Variants in LOC128462377 observed in about 807,000 individuals in gnomAD.
chr16:89,397,151 C>A, the LOC128462377 span, among the ~76,000 whole-genome samples: 1 of 152,092 alleles, frequency 6.6e-6, no homozygotes, highest in Non-Finnish European at 1.5e-5. Context: ...GCAGACATAC[C>A]CACAGAGCCA....
the LOC128462377 span, among the ~76,000 whole-genome samples, chr16:89,364,510 T>C: frequency 6.6e-6 from 1 of 152,200 alleles, no homozygotes; most frequent in Non-Finnish European, 1.5e-5. Context: ...GTATTTTTCT[T>C]AACCTATTCG....
At chr16:89,348,022 C>A in the LOC128462377 span, among the ~76,000 whole-genome samples, 1 of 152,066 alleles carries the variant, frequency 6.6e-6, no homozygotes, top group Admixed American at 6.6e-5. Context: ...CAGCCTCTAC[C>A]TCCTGGGCTC....
At chr16:89,351,517 G>C in the LOC128462377 span, among the ~76,000 whole-genome samples, 1 of 152,118 alleles carries the variant, frequency 6.6e-6, no homozygotes, top group African/African-American at 2.4e-5. Flanking sequence ...GGATCCTAGC[G>C]AACTTTTTCA....
chr16:89,323,122 G>A, the LOC128462377 span: 18 of 335,232 alleles, frequency 5.4e-5, no homozygotes, highest in Non-Finnish European at 8.1e-5. Flanking sequence ...GCTGTTGTGC[G>A]CTCCGTGGAA....
chr16:89,322,159 C>G, the LOC128462377 span, among the ~76,000 whole-genome samples: 1 of 152,112 alleles, frequency 6.6e-6, no homozygotes, highest in Non-Finnish European at 1.5e-5. Flanking sequence ...GAGGCTGGCG[C>G]CCCCAACCCC....
At chr16:89,347,907 G>C in the LOC128462377 span, among the ~76,000 whole-genome samples, 1 of 151,764 alleles carries the variant, frequency 6.6e-6, no homozygotes, top group Non-Finnish European at 1.5e-5. Flanking sequence ...TTACTTTGCA[G>C]AGCACTTTCC....
At chr16:89,389,692 C>T in the LOC128462377 span, among the ~76,000 whole-genome samples, 1 of 152,164 alleles carries the variant, frequency 6.6e-6, no homozygotes, top group African/African-American at 2.4e-5. Flanking sequence ...AGCAAAAACA[C>T]TGAGTGTGGC....
the LOC128462377 span, among the ~76,000 whole-genome samples, chr16:89,322,140 A>C: frequency 6.6e-6 from 1 of 152,210 alleles, no homozygotes; most frequent in Non-Finnish European, 1.5e-5. Context: ...CAAATTTTCA[A>C]CTGCACAGGA....
At chr16:89,403,322 G>A in the LOC128462377 span, among the ~76,000 whole-genome samples, 1 of 152,066 alleles carries the variant, frequency 6.6e-6, no homozygotes, top group East Asian at 1.9e-4. Context: ...CCTCCTGACC[G>A]GCCCCTCCTG....
At chr16:89,386,244 T>C in the LOC128462377 span, among the ~76,000 whole-genome samples, 2 of 151,904 alleles carry the variant, frequency 1.3e-5, no homozygotes, top group Middle Eastern at 3.4e-3. Flanking sequence ...AATGACCAAA[T>C]AAAAAATGAC....
At chr16:89,376,477 A>G in the LOC128462377 span, among the ~76,000 whole-genome samples, 4 of 152,244 alleles carry the variant, frequency 2.6e-5, no homozygotes, top group Non-Finnish European at 5.9e-5. Context: ...TTGTTCCGTC[A>G]CCCAGGCTGG....
At chr16:89,387,559 G>A in the LOC128462377 span, among the ~76,000 whole-genome samples, 3 of 151,374 alleles carry the variant, frequency 2.0e-5, no homozygotes, top group African/African-American at 7.3e-5. Flanking sequence ...TGTACTCCCA[G>A]CTACTCGGGA....
At chr16:89,332,321 T>C in the LOC128462377 span, among the ~76,000 whole-genome samples, 1 of 152,186 alleles carries the variant, frequency 6.6e-6, no homozygotes, top group South Asian at 2.1e-4. Context: ...TTCAGCTCCG[T>C]GAAGTCCTGG....
chr16:89,346,981 C>T, the LOC128462377 span, among the ~76,000 whole-genome samples: 5 of 152,220 alleles, frequency 3.3e-5, no homozygotes, highest in Non-Finnish European at 4.4e-5. Context: ...AATAGGAAGG[C>T]GCGAACTGTC....
the LOC128462377 span, among the ~76,000 whole-genome samples, chr16:89,384,177 G>A: frequency 6.6e-5 from 10 of 152,298 alleles, no homozygotes; most frequent in African/African-American, 2.4e-4. Flanking sequence ...GCTGAGATGT[G>A]CTCCTGCACT....
chr16:89,354,519 TGATAGGGAGG>T, the LOC128462377 span, among the ~76,000 whole-genome samples: 1 of 152,144 alleles, frequency 6.6e-6, no homozygotes, highest in East Asian at 1.9e-4. Context: ...CACCTGCTCT[TGATAGGGAGG>T]GCACTTCTAG....
At chr16:89,373,663 T>A in the LOC128462377 span, among the ~76,000 whole-genome samples, 1 of 152,104 alleles carries the variant, frequency 6.6e-6, no homozygotes, top group East Asian at 1.9e-4. Context: ...AATGAAAACA[T>A]CATGTAACTC....
At chr16:89,382,826 A>G in the LOC128462377 span, among the ~76,000 whole-genome samples, 1 of 152,008 alleles carries the variant, frequency 6.6e-6, no homozygotes, top group South Asian at 2.1e-4. Context: ...CCAAGAAACA[A>G]AAGTAGAGTT....
the LOC128462377 span, among the ~76,000 whole-genome samples, chr16:89,383,397 C>T: frequency 6.6e-6 from 1 of 152,206 alleles, no homozygotes; most frequent in Non-Finnish European, 1.5e-5. Flanking sequence ...GAGATCTGTG[C>T]CATGGCTGTC....
Sources: allele counts gnomAD v4.1 joint callset (sites outside exome capture counted in the v4.1 genomes callset), GRCh38; gene constraint gnomAD v4.1.1; transcripts MANE v1.5.